ASAP1: variants seen among roughly 807,000 people sequenced by gnomAD.
The protein encoded by ASAP1 is ArfGAP with SH3 domain, ankyrin repeat and PH domain 1.
In ASAP1, 43 loss-of-function variants were observed where a neutral mutation model predicts 145.2. The ratio of observed to expected loss-of-function variants is 0.30; its 90% CI spans 0.23 to 0.38. The LOEUF (loss-of-function observed/expected upper bound fraction) is 0.38, where lower values mean the gene tolerates loss of function less well. Among genes scored for constraint, ASAP1 ranks in the 10% least tolerant of loss-of-function variants. ASAP1 has a pLI of 1.00. For synonymous variants in ASAP1, 546 were observed against 515.5 expected (o/e 1.06, Z -0.80); for missense variants, 1,018 against 1,355.3 (o/e 0.75, Z 3.91).
Position 130,118,693 on chromosome 8 carries a change from A to G in ASAP1, c.1608-18T>C, listed in dbSNP as rs760521470. On this transcript the variant is annotated intron_variant, in intron 18 of 29. Coordinates refer to ENST00000518721, the MANE Select transcript of ASAP1 (RefSeq NM_018482.4). The stretch of plus-strand genomic sequence containing the variant: ...GTACAGTCCTAAAACAGAACAAAAT[A>G]AAGAATTTTTATTTTCCAAGTGCTA... 3 of 1,420,452 alleles carry G rather than the reference A, an allele frequency of 2.1e-6. No individual in the cohort carries two copies. The highest frequency in any genetic ancestry group is 2.8e-6 in the Non-Finnish European group (3 of 1,073,112). The allele number at this position is 1,420,452 out of a possible 1,614,324, so 88.0% of individuals were successfully genotyped here.
At chr8:130,176,443 G>A (rs1224579424) in intron 9 of ASAP1, among the ~76,000 whole-genome samples, 1 of 152,156 alleles carries the variant, frequency 6.6e-6, no homozygotes, top group Non-Finnish European at 1.5e-5. Flanking sequence ...GTAACTTTTA[G>A]TTGAATCCCC....
chr8:130,351,049 G>A (rs1825966480), intron 3 of ASAP1, among the ~76,000 whole-genome samples: 2 of 152,208 alleles, frequency 1.3e-5, no homozygotes, highest in Admixed American at 6.5e-5. Context: ...TTACTGAGGG[G>A]TCCAGCAAGA....
At chr8:130,183,946 C>A (rs746324087) in intron 7 of ASAP1, among the ~76,000 whole-genome samples, 6 of 152,086 alleles carry the variant, frequency 3.9e-5, no homozygotes, top group African/African-American at 7.2e-5. Flanking sequence ...GAAGCTGACA[C>A]AATTTAATAC....
chr8:130,119,358 T>C (rs776226626), intron 18 of ASAP1, among the ~76,000 whole-genome samples: 1 of 152,220 alleles, frequency 6.6e-6, no homozygotes, highest in Non-Finnish European at 1.5e-5. Context: ...CTGTCTTTCC[T>C]GCACAGGTTC....
At chr8:130,381,796 C>G (rs866085286) in intron 2 of ASAP1, among the ~76,000 whole-genome samples, 6 of 152,280 alleles carry the variant, frequency 3.9e-5, no homozygotes, top group Middle Eastern at 3.4e-3. Context: ...AACACACCCC[C>G]CTGAGGGCCT....
intron 1 of ASAP1, among the ~76,000 whole-genome samples, chr8:130,437,960 C>T (rs182390983): frequency 1.3e-4 from 20 of 152,304 alleles, no homozygotes; most frequent in African/African-American, 4.8e-4. Context: ...TGACTTAGGG[C>T]AGTGAAGGAA....
chr8:130,314,288 T>C (rs924606948), intron 3 of ASAP1, among the ~76,000 whole-genome samples: 2 of 152,202 alleles, frequency 1.3e-5, no homozygotes, highest in African/African-American at 4.8e-5. Flanking sequence ...CAAAACATAT[T>C]GAAATGATGA....
intron 28 of ASAP1, among the ~76,000 whole-genome samples, chr8:130,058,565 AAC>A (rs2097409715): frequency 6.6e-6 from 1 of 152,238 alleles, no homozygotes; most frequent in African/African-American, 2.4e-5. Flanking sequence ...ATGCTGGTTA[AAC>A]ACAGCAGGAT....
intron 4 of ASAP1, among the ~76,000 whole-genome samples, chr8:130,221,062 G>A (rs182735274): frequency 3.9e-5 from 6 of 151,986 alleles, no homozygotes; most frequent in Admixed American, 3.3e-4. Flanking sequence ...CCATATCACC[G>A]GTCTCTACCA....
In ASAP1 at chr8:130,157,243, G is replaced by T. The variant is rs543523023; in HGVS notation, c.1010+2621C>A. ...ATTCTAGAGCCCAGTTTAAATCTGT[G>T]AATTGTTAGTTGGGATTTCTTTTCT... On this transcript the variant is annotated intron_variant, in intron 12 of 29. Coordinates refer to ENST00000518721, the MANE Select transcript of ASAP1 (RefSeq NM_018482.4). Among the ~76,000 whole-genome samples the T allele has an allele frequency of 1.4e-4, 21 of 152,272 alleles. 1 individual carries two copies. In the East Asian group the frequency reaches 1.9e-3, roughly 14 times the overall value.
chr8:130,421,539 A>G (rs948197240), intron 1 of ASAP1, among the ~76,000 whole-genome samples: 3 of 152,214 alleles, frequency 2.0e-5, no homozygotes, highest in Admixed American at 1.3e-4. Flanking sequence ...CTTCAGGCCA[A>G]GGTTTTTAAG....
chr8:130,278,710 A>G (rs1286109393), intron 3 of ASAP1, among the ~76,000 whole-genome samples: 1 of 152,228 alleles, frequency 6.6e-6, no homozygotes, highest in East Asian at 1.9e-4. Context: ...ATCCATATGC[A>G]TTAAATATCC....
intron 26 of ASAP1, among the ~76,000 whole-genome samples, chr8:130,076,870 C>T (rs920172292): frequency 1.3e-5 from 2 of 152,102 alleles, no homozygotes; most frequent in Non-Finnish European, 2.9e-5. Context: ...TTCAGTTTGC[C>T]TGGCTGAGGA....
chr8:130,433,780 T>C (rs1425696106), intron 1 of ASAP1, among the ~76,000 whole-genome samples: 2 of 152,230 alleles, frequency 1.3e-5, no homozygotes, highest in Admixed American at 6.5e-5. Context: ...TGCCAGGCAC[T>C]CGCTTAGCCA....
At chr8:130,194,608 T>C (rs541580646) in intron 5 of ASAP1, among the ~76,000 whole-genome samples, 2 of 152,310 alleles carry the variant, frequency 1.3e-5, no homozygotes, top group Admixed American at 1.3e-4. Flanking sequence ...ACAGTTTTTC[T>C]ACAGATGGCA....
Position 130,300,113 on chromosome 8 carries a change from TACACACAC to T in ASAP1, c.186+57896_186+57903del, listed in dbSNP as rs373589102. Among the ~76,000 whole-genome samples the T allele has an allele frequency of 3.7e-3, 269 of 72,906 alleles. 1 individual carries two copies. Among genetic ancestry groups the T allele is most frequent in the Middle Eastern group, 0.029 (3 of 104 alleles). The allele number at this position is 72,906 out of a possible 152,430, so 47.8% of individuals were successfully genotyped here. On this transcript the variant is annotated intron_variant, in intron 3 of 29. Coordinates refer to ENST00000518721, the MANE Select transcript of ASAP1 (RefSeq NM_018482.4). ...GGCCAAACAAGAAGTAAAAGAAAAA[TACACACAC>T]ACACACACACACACACACACACACA...
chr8:130,070,074 T>C (rs2097439265), intron 27 of ASAP1, among the ~76,000 whole-genome samples: 1 of 152,166 alleles, frequency 6.6e-6, no homozygotes, highest in Non-Finnish European at 1.5e-5. Context: ...TCTCACTCTG[T>C]CGCCCAGGCT....
chr8:130,312,686 C>A (rs1823431427), intron 3 of ASAP1, among the ~76,000 whole-genome samples: 1 of 152,152 alleles, frequency 6.6e-6, no homozygotes, highest in Non-Finnish European at 1.5e-5. Flanking sequence ...CAAGATAGCA[C>A]AACTTTTATG....
chr8:130,228,996 A>C (rs1817752212), intron 4 of ASAP1, among the ~76,000 whole-genome samples: 1 of 152,154 alleles, frequency 6.6e-6, no homozygotes, highest in Non-Finnish European at 1.5e-5. Context: ...CAATTACCCA[A>C]GACATGGAAG....
Sources: allele counts gnomAD v4.1 joint callset (sites outside exome capture counted in the v4.1 genomes callset), GRCh38; gene constraint gnomAD v4.1.1; transcripts MANE v1.5; gene names NCBI Gene and HGNC (gene_info 2026-07-23, HGNC 2026-07-21).